The following PXDNL variants were observed in gnomAD, a reference collection of about 807,000 sequenced individuals.
The protein encoded by PXDNL is peroxidasin like.
In PXDNL, 145 loss-of-function variants were observed where a neutral mutation model predicts 150.8. The observed-to-expected ratio is 0.96, with a 90% CI of 0.84 to 1.10. PXDNL has a LOEUF of 1.10. PXDNL is among the 50% of genes least tolerant of loss of function. The probability of loss-of-function intolerance (pLI) is 0.00; values close to 1 mark genes in which losing one functional copy is unlikely to be tolerated. For missense variants in PXDNL, 2,087 were observed against 1,873.9 expected, an observed-to-expected ratio of 1.11 and a Z score of -2.10; for synonymous variants, 757 against 725.7, an observed-to-expected ratio of 1.04 and a Z score of -0.69.
chr8:51,510,872 AT>A lies in PXDNL; in HGVS notation c.381-11103del, dbSNP rs889351551. Among the ~76,000 whole-genome samples the A allele has an allele frequency of 1.3e-4, 20 of 152,146 alleles. No homozygotes were observed. In the East Asian group the frequency reaches 3.5e-3, roughly 26 times the overall value. ...CTGAGATATGTAGGGGCTGGTCTGTATTTTTTTAAGCACTAATTAAAGGGTT... is the reference window on the plus strand; with the variant it reads ...CTGAGATATGTAGGGGCTGGTCTGTATTTTTTAAGCACTAATTAAAGGGTT... On this transcript the variant is annotated intron_variant, in intron 4 of 22. Transcript: ENST00000356297.
intron 4 of PXDNL, among the ~76,000 whole-genome samples, chr8:51,554,736 CAT>C (rs1452555054): frequency 6.6e-6 from 1 of 152,152 alleles, no homozygotes; most frequent in African/African-American, 2.4e-5. Flanking sequence ...CTCCAGTTTC[CAT>C]TACCTTGTTC....
chr8:51,464,019 C>T (rs1380651066), intron 8 of PXDNL, among the ~76,000 whole-genome samples: 1 of 127,932 alleles, frequency 7.8e-6, no homozygotes, highest in Non-Finnish European at 1.6e-5. Flanking sequence ...TCTAAAGGAA[C>T]TAAAAAAAAA....
At chr8:51,330,350 T>A (rs1481901952) in intron 21 of PXDNL, among the ~76,000 whole-genome samples, 1 of 151,558 alleles carries the variant, frequency 6.6e-6, no homozygotes, top group Non-Finnish European at 1.5e-5. Flanking sequence ...AAACTGAGAA[T>A]GGAAAACTAA....
intron 4 of PXDNL, among the ~76,000 whole-genome samples, chr8:51,533,940 C>G (rs573041262): frequency 0.022 from 3,257 of 150,644 alleles, 56 homozygotes; most frequent in African/African-American, 0.076. Context: ...CTCTGCCTGG[C>G]CCCCCATCGT....
At chr8:51,667,972 C>T (rs1815420774) in intron 1 of PXDNL, among the ~76,000 whole-genome samples, 1 of 152,082 alleles carries the variant, frequency 6.6e-6, no homozygotes, top group Non-Finnish European at 1.5e-5. Context: ...CTGAACTCGC[C>T]TGCAACATAG....
intron 1 of PXDNL, among the ~76,000 whole-genome samples, chr8:51,787,957 G>C (rs1300803358): frequency 3.3e-5 from 5 of 152,172 alleles, no homozygotes; most frequent in Non-Finnish European, 7.3e-5. Context: ...CAACAGTGAG[G>C]GAAGACCCTC....
chr8:51,381,970 T>C (rs958150674), intron 17 of PXDNL, among the ~76,000 whole-genome samples: 1 of 152,132 alleles, frequency 6.6e-6, no homozygotes, highest in African/African-American at 2.4e-5. Flanking sequence ...CTTTAAGTTT[T>C]AGGGTACATG....
At chr8:51,646,959 T>C (rs546391573) in intron 2 of PXDNL, among the ~76,000 whole-genome samples, 29 of 152,000 alleles carry the variant, frequency 1.9e-4, no homozygotes, top group Non-Finnish European at 2.9e-4. Context: ...GGCCTGGGAG[T>C]GCAAATGTCT....
rs113916303 is a variant in PXDNL, at chr8:51,390,736, C to CT, written c.3558-16006dup. ...CTAAATGGCATAAAGCACAGATTTT[C>CT]TTTTTTTTTTATTTTATTATTATTA... On this transcript the variant is annotated intron_variant, in intron 17 of 22. Coordinates refer to ENST00000356297, the MANE Select transcript of PXDNL (RefSeq NM_144651.5). Among the ~76,000 whole-genome samples the CT allele has an allele frequency of 8.2e-3, 1,212 of 148,094 alleles. 11 individuals are homozygous for CT. The highest frequency in any genetic ancestry group is 0.025 in the African/African-American group (992 of 40,424).
At chr8:51,467,573 G>A (rs1472612735) in intron 8 of PXDNL, among the ~76,000 whole-genome samples, 2 of 152,022 alleles carry the variant, frequency 1.3e-5, no homozygotes, top group Non-Finnish European at 1.5e-5. Flanking sequence ...GCATCATGTA[G>A]TATACCTTTG....
intron 4 of PXDNL, among the ~76,000 whole-genome samples, chr8:51,543,220 G>T (rs1017714124): frequency 6.6e-6 from 1 of 152,120 alleles, no homozygotes; most frequent in Non-Finnish European, 1.5e-5. Context: ...ACTCAGGTCT[G>T]TTTGATTTCC....
chr8:51,709,061 G>A (rs71513541), intron 1 of PXDNL, among the ~76,000 whole-genome samples: 1 of 152,132 alleles, frequency 6.6e-6, no homozygotes, highest in African/African-American at 2.4e-5. Context: ...CTGAGGAAGA[G>A]GAAGTGAGTC....
intron 21 of PXDNL, among the ~76,000 whole-genome samples, chr8:51,327,717 T>G (rs1805557741): frequency 6.6e-6 from 1 of 152,210 alleles, no homozygotes; most frequent in African/African-American, 2.4e-5. Flanking sequence ...TTCAGAAATA[T>G]GAGTAAAACA....
At chr8:51,711,438 G>A (rs80260330) in intron 1 of PXDNL, among the ~76,000 whole-genome samples, 8,277 of 152,198 alleles carry the variant, frequency 0.054, 239 homozygotes, top group African/African-American at 0.086. Flanking sequence ...GGACCCAGCC[G>A]AAATTATCTC....
chr8:51,770,701 T>C (rs1407747681), intron 1 of PXDNL, among the ~76,000 whole-genome samples: 1 of 152,248 alleles, frequency 6.6e-6, no homozygotes, highest in South Asian at 2.1e-4. Context: ...AAAATCACTC[T>C]TATATCACCA....
intron 8 of PXDNL, among the ~76,000 whole-genome samples, chr8:51,457,982 T>G (rs13263053): frequency 0.53 from 79,938 of 151,958 alleles, 24,899 homozygotes; most frequent in Non-Finnish European, 0.69. Context: ...TTCAGCACAT[T>G]TTTATATATT....
chr8:51,560,939 CAA>C (rs34861614), intron 3 of PXDNL, among the ~76,000 whole-genome samples: 44,533 of 146,464 alleles, frequency 0.3, 8,604 homozygotes, highest in African/African-American at 0.55. Flanking sequence ...CAACAACAAC[CAA>C]AAAAAAAAAC....
At chr8:51,644,185 A>G (rs954567091) in intron 2 of PXDNL, among the ~76,000 whole-genome samples, 22 of 150,124 alleles carry the variant, frequency 1.5e-4, no homozygotes, top group Admixed American at 1.3e-3. Context: ...TAAGTAAAAT[A>G]AAACAATTAT....
chr8:51,494,567 A>C (rs1214556781), intron 5 of PXDNL, among the ~76,000 whole-genome samples: 4 of 152,310 alleles, frequency 2.6e-5, no homozygotes, highest in Non-Finnish European at 4.4e-5. Context: ...TAGGCTCAAA[A>C]TAAAGGGATG....
Sources: allele counts gnomAD v4.1 joint callset (sites outside exome capture counted in the v4.1 genomes callset), GRCh38; gene constraint gnomAD v4.1.1; transcripts MANE v1.5; gene names NCBI Gene and HGNC (gene_info 2026-07-23, HGNC 2026-07-21).